The following SLC19A1 variants were observed in gnomAD, a reference collection of about 807,000 sequenced individuals.
The protein encoded by SLC19A1 is reduced folate transporter.
Under a neutral mutation model 35.3 loss-of-function variants are expected in SLC19A1, and 37 were observed. The observed-to-expected ratio is 1.05, with a 90% CI of 0.81 to 1.38. SLC19A1 has a LOEUF of 1.38. SLC19A1 is among the 40% of genes most tolerant of loss of function. SLC19A1 has a pLI of 0.00. For missense variants in SLC19A1, 831 were observed against 826.9 expected, an observed-to-expected ratio of 1.00 and a Z score of -0.06; for synonymous variants, 460 against 398.5, an observed-to-expected ratio of 1.15 and a Z score of -1.84.
At chr21:45,562,058 G>A (rs1007612351) in intron 1 of SLC19A1, among the ~76,000 whole-genome samples, 2 of 150,268 alleles carry the variant, frequency 1.3e-5, no homozygotes, top group Admixed American at 6.6e-5. Context: ...TTGAACCCAG[G>A]AGGCGGAGTT....
chr21:45,504,176 G>A (rs577307410), intron 3 of SLC19A1: 23 of 1,188,960 alleles, frequency 1.9e-5, no homozygotes, highest in East Asian at 7.2e-5. Context: ...TGCGAGGGGC[G>A]CTGGCTCCAG....
At chr21:45,554,708 G>C (rs1389880926) in intron 1 of SLC19A1, among the ~76,000 whole-genome samples, 1 of 150,604 alleles carries the variant, frequency 6.6e-6, no homozygotes, top group Admixed American at 6.6e-5. Context: ...TTTATGGATG[G>C]ACATTTGGAC....
At chr21:45,536,052 GC>G in intron 2 of SLC19A1, 3 of 341,006 alleles carry the variant, frequency 8.8e-6, no homozygotes, top group Non-Finnish European at 1.3e-5. Context: ...TTCTTGTCGG[GC>G]CCCAGGAGGG....
chr21:45,553,230 G>A (rs138585638), intron 1 of SLC19A1, among the ~76,000 whole-genome samples: 237 of 152,070 alleles, frequency 1.6e-3, no homozygotes, highest in Non-Finnish European at 2.8e-3. Context: ...CAGGCACCGC[G>A]CATCCCTCCC....
intron 3 of SLC19A1, chr21:45,504,414 AG>A: frequency 6.2e-7 from 1 of 1,611,080 alleles, no homozygotes; most frequent in Non-Finnish European, 8.5e-7. Flanking sequence ...TTCCGTCCAC[AG>A]GGGGAGAAGG....
intron 2 of SLC19A1, among the ~76,000 whole-genome samples, chr21:45,536,880 C>T (rs2078129865): frequency 6.6e-6 from 1 of 152,152 alleles, no homozygotes; most frequent in African/African-American, 2.4e-5. Flanking sequence ...CAGGCTCTTC[C>T]TGTGCAGATG....
chr21:45,537,528 C>T (rs1290160349), intron 2 of SLC19A1, among the ~76,000 whole-genome samples: 4 of 149,756 alleles, frequency 2.7e-5, no homozygotes, highest in Non-Finnish European at 6.0e-5. Context: ...GAAGCTGCTC[C>T]CCGCCCACCC....
Position 45,515,580 on chromosome 21 carries a change from G to C in SLC19A1, c.*78C>G, listed in dbSNP as rs2037868453. The C allele has an allele frequency of 6.3e-7, 1 of 1,589,244 alleles. No homozygotes were observed. Among genetic ancestry groups the C allele is most frequent in the Non-Finnish European group, 8.5e-7 (1 of 1,173,530 alleles). ...GATAAGCGGAGGCCCCCATTGCTAA[G>C]GCAGGCGGCCCTCGAGGCAGGGGTC... is the stretch of plus-strand genomic sequence containing the variant. On this transcript the variant is annotated 3_prime_UTR_variant, in exon 6 of 6. Coordinates refer to ENST00000311124, the MANE Select transcript of SLC19A1 (RefSeq NM_194255.4).
chr21:45,506,997 C>T (rs545522845), intron 3 of SLC19A1: 55 of 287,396 alleles, frequency 1.9e-4, no homozygotes, highest in South Asian at 1.7e-3. Context: ...CAGCCCCATC[C>T]TAACTTTCAG....
chr21:45,548,574 C>T (rs1355511250), upstream of SLC19A1, among the ~76,000 whole-genome samples: 3 of 151,936 alleles, frequency 2.0e-5, no homozygotes, highest in African/African-American at 7.3e-5. Flanking sequence ...TGAAACCCCA[C>T]CTCTACTAAA....
upstream of SLC19A1, chr21:45,544,037 C>G (rs1181904150): frequency 6.6e-6 from 1 of 152,646 alleles, no homozygotes; most frequent in East Asian, 1.9e-4. Flanking sequence ...CCCCTTCCCA[C>G]AGAAGGATGG....
chr21:45,548,400 C>T (rs1056978685), upstream of SLC19A1, among the ~76,000 whole-genome samples: 4 of 152,338 alleles, frequency 2.6e-5, no homozygotes, highest in South Asian at 2.1e-4. Context: ...TATCCAGACA[C>T]GTAAGTGACG....
intron 2 of SLC19A1, among the ~76,000 whole-genome samples, chr21:45,537,499 T>C (rs62214295): frequency 6.0e-3 from 208 of 34,522 alleles, no homozygotes; most frequent in South Asian, 0.031. Context: ...AGCACCCCGG[T>C]GCCCACATGC....
chr21:45,557,738 G>C (rs2078577500), intron 1 of SLC19A1, among the ~76,000 whole-genome samples: 1 of 152,136 alleles, frequency 6.6e-6, no homozygotes. Flanking sequence ...CCTGCGCTCT[G>C]GTGACTCTCG....
chr21:45,557,112 G>C (rs2078571074), intron 1 of SLC19A1, among the ~76,000 whole-genome samples: 1 of 152,216 alleles, frequency 6.6e-6, no homozygotes, highest in Non-Finnish European at 1.5e-5. Context: ...CCACGTGTCA[G>C]CTCCTTGCAC....
downstream of SLC19A1, chr21:45,511,316 T>C (rs934558365): frequency 5.5e-6 from 4 of 733,836 alleles, no homozygotes; most frequent in Middle Eastern, 3.3e-4. Context: ...CCCCCCGAGT[T>C]TTTGGACAAA....
Position 45,525,883 on chromosome 21 carries a change from G to A in SLC19A1, c.1227C>T (p.Ile409=), listed in dbSNP as rs770733927. 5.0e-6 allele frequency: 8 copies of A among 1,613,696 alleles called. No individual in the cohort carries two copies. The Admixed American group carries it at 8.3e-5, about 17-fold the overall frequency. The change falls in exon 5 of 6, where the codon ATC becomes ATT. Residue 409 remains isoleucine, a synonymous_variant. Coordinates refer to ENST00000311124, the MANE Select transcript of SLC19A1 (RefSeq NM_194255.4). ...CAATGAAAGTGATGATGGTCTTGAC[G>A]ATGGTGGCAAAGAACGTGTTGACCC... ...VFGVNTFFAT[I]VKTIITFIVS...
chr21:45,528,984 C>T (rs940839456), intron 4 of SLC19A1, among the ~76,000 whole-genome samples: 4 of 152,244 alleles, frequency 2.6e-5, no homozygotes, highest in Non-Finnish European at 4.4e-5. Flanking sequence ...CGTTGTCCCC[C>T]TGGCTGCAGC....
chr21:45,524,587 A>G (rs1195864432), intron 5 of SLC19A1, among the ~76,000 whole-genome samples: 9 of 13,452 alleles, frequency 6.7e-4, no homozygotes, highest in Admixed American at 2.8e-3. Context: ...AGGCTCACCC[A>G]CCCTGAGCGT....
Sources: gnomAD v4.1 joint callset for allele counts (sites outside exome capture counted in the v4.1 genomes callset) on GRCh38, gnomAD v4.1.1 for gene constraint, MANE v1.5 for transcripts, NCBI Gene and HGNC (gene_info 2026-07-23, HGNC 2026-07-21) for gene names.